RNF180: variants seen among roughly 807,000 people sequenced by gnomAD.
RNF180 encodes E3 ubiquitin-protein ligase RNF180.
Under a neutral mutation model 59.2 loss-of-function variants are expected in RNF180, and 38 were observed. That is an observed-to-expected ratio of 0.64 (90% CI 0.50 to 0.84). The LOEUF (loss-of-function observed/expected upper bound fraction) is 0.84. RNF180 is among the 40% of genes least tolerant of loss of function. The probability of loss-of-function intolerance (pLI) is 0.00; values close to 1 mark genes in which losing one functional copy is unlikely to be tolerated. For synonymous variants in RNF180, 262 were observed against 240.3 expected (o/e 1.09, Z -0.84); for missense variants, 705 against 700.9 (o/e 1.01, Z -0.07).
chr5:64,321,802 AG>A (rs1744366454), intron 5 of RNF180, among the ~76,000 whole-genome samples: 1 of 152,160 alleles, frequency 6.6e-6, no homozygotes, highest in Admixed American at 6.5e-5. Context: ...GCATGATACT[AG>A]TACCCAAACA....
At chr5:64,230,721 A>G (rs1363377201) in intron 5 of RNF180, among the ~76,000 whole-genome samples, 1 of 152,204 alleles carries the variant, frequency 6.6e-6, no homozygotes, top group African/African-American at 2.4e-5. Context: ...TCTGCTTACC[A>G]CAGATAGTTT....
chr5:64,211,533 A>T (rs1038123198), intron 2 of RNF180, among the ~76,000 whole-genome samples: 1 of 152,152 alleles, frequency 6.6e-6, no homozygotes, highest in African/African-American at 2.4e-5. Flanking sequence ...GGCAGGGGGA[A>T]GGTTAGTGAG....
At chr5:64,211,270 AG>A (rs1752297213) in intron 2 of RNF180, among the ~76,000 whole-genome samples, 1 of 152,162 alleles carries the variant, frequency 6.6e-6, no homozygotes, top group South Asian at 2.1e-4. Context: ...ACTATAATCT[AG>A]GATCTATGGG....
chr5:64,183,862 A>G (rs1750742913), intron 1 of RNF180, among the ~76,000 whole-genome samples: 1 of 152,220 alleles, frequency 6.6e-6, no homozygotes, highest in Admixed American at 6.5e-5. Flanking sequence ...ATTTTCTAAA[A>G]CATCAGTCTC....
chr5:64,251,898 G>A (rs1580114571), intron 5 of RNF180, among the ~76,000 whole-genome samples: 1 of 151,994 alleles, frequency 6.6e-6, no homozygotes, highest in African/African-American at 2.4e-5. Flanking sequence ...TGAAAGATCT[G>A]CACACTGAAA....
intron 5 of RNF180, among the ~76,000 whole-genome samples, chr5:64,230,079 C>T (rs149979368): frequency 6.6e-6 from 1 of 152,260 alleles, no homozygotes; most frequent in Non-Finnish European, 1.5e-5. Context: ...CTAGCCACAA[C>T]AATGGGTAGT....
At chr5:64,365,253 T>A (rs1746402594) in intron 7 of RNF180, among the ~76,000 whole-genome samples, 1 of 151,802 alleles carries the variant, frequency 6.6e-6, no homozygotes, top group Non-Finnish European at 1.5e-5. Context: ...TTGCCTTAAT[T>A]TCATTATTTG....
intron 5 of RNF180, among the ~76,000 whole-genome samples, chr5:64,300,589 A>C (rs183755793): frequency 6.6e-6 from 1 of 151,914 alleles, no homozygotes; most frequent in Non-Finnish European, 1.5e-5. Context: ...GGGATCTTGA[A>C]TGTATTCCCC....
intron 7 of RNF180, among the ~76,000 whole-genome samples, chr5:64,342,526 AAGAC>A (rs1404784554): frequency 2.0e-5 from 3 of 152,178 alleles, no homozygotes; most frequent in African/African-American, 7.2e-5. Context: ...TTGGCTAAAA[AAGAC>A]AGAATGAAAT....
chr5:64,358,241 G>A (rs1252941786), intron 7 of RNF180, among the ~76,000 whole-genome samples: 2 of 151,828 alleles, frequency 1.3e-5, no homozygotes, highest in African/African-American at 4.8e-5. Flanking sequence ...CAGAGGAAAA[G>A]AGACTGCTGC....
chr5:64,305,185 T>C lies in RNF180; in HGVS notation c.1228-20001T>C, dbSNP rs180807827. ...TGTCTTGCTTTATTGCAATATTCACTTTAATGAAATGGTTTATTACTAAAC... is the reference window on the plus strand; with the variant it reads ...TGTCTTGCTTTATTGCAATATTCACCTTAATGAAATGGTTTATTACTAAAC... On this transcript the variant is annotated intron_variant, in intron 5 of 7. Coordinates refer to ENST00000389100, the MANE Select transcript of RNF180 (RefSeq NM_001113561.2). 2.0e-5 allele frequency among the ~76,000 whole-genome samples: 3 copies of C among 151,770 alleles called. No homozygotes were observed. The East Asian group carries it at 5.8e-4, about 29-fold the overall frequency.
At chr5:64,236,891 G>T (rs1742475535) in intron 5 of RNF180, among the ~76,000 whole-genome samples, 2 of 152,174 alleles carry the variant, frequency 1.3e-5, no homozygotes, top group South Asian at 4.1e-4. Flanking sequence ...GTGCAGAAAA[G>T]AATTGAGCTT....
At chr5:64,264,455 C>A (rs1167615015) in intron 5 of RNF180, among the ~76,000 whole-genome samples, 1 of 152,120 alleles carries the variant, frequency 6.6e-6, no homozygotes, top group East Asian at 1.9e-4. Context: ...TGTTCAGTTC[C>A]CACTTATGAG....
chr5:64,303,607 A>C (rs1743276379), intron 5 of RNF180, among the ~76,000 whole-genome samples: 1 of 151,722 alleles, frequency 6.6e-6, no homozygotes, highest in Admixed American at 6.6e-5. Flanking sequence ...ATCCAGAGCA[A>C]GTTCCTATCA....
intron 5 of RNF180, among the ~76,000 whole-genome samples, chr5:64,285,719 C>T (rs1742249482): frequency 6.8e-6 from 1 of 147,792 alleles, no homozygotes; most frequent in African/African-American, 2.4e-5. Flanking sequence ...ATTGGACTAT[C>T]TCTGTCCTAC....
At chr5:64,342,627 T>C (rs1186437798) in intron 7 of RNF180, among the ~76,000 whole-genome samples, 1 of 152,110 alleles carries the variant, frequency 6.6e-6, no homozygotes, top group East Asian at 1.9e-4. Flanking sequence ...CCTTAAGATA[T>C]ATCTCATATT....
intron 5 of RNF180, among the ~76,000 whole-genome samples, chr5:64,297,592 T>C (rs927641056): frequency 6.6e-6 from 1 of 152,104 alleles, no homozygotes; most frequent in African/African-American, 2.4e-5. Flanking sequence ...AACTATAGTC[T>C]CAAGTGTGTT....
intron 5 of RNF180, among the ~76,000 whole-genome samples, chr5:64,220,536 A>G (rs1321132812): frequency 6.6e-6 from 1 of 152,110 alleles, no homozygotes; most frequent in African/African-American, 2.4e-5. Flanking sequence ...GTATATCAGC[A>G]TTTTGAGGAA....
chr5:64,369,983 C>G lies in RNF180; in HGVS notation c.*169C>G. The G allele has an allele frequency of 2.1e-6, 1 of 470,670 alleles. No individual in the cohort carries two copies. Among genetic ancestry groups the G allele is most frequent in the South Asian group, 4.0e-5 (1 of 25,152 alleles). 29.2% of individuals were successfully genotyped at this position (470,670 alleles called of 1,614,324 possible). ...TTATTTATTAATGTTTTTCATGTAA[C>G]AAACTAAACTTTATTCAAGAGCTAA... On this transcript the variant is annotated 3_prime_UTR_variant, in exon 8 of 8. Transcript: ENST00000389100.
Sources: gnomAD v4.1 joint callset for allele counts (sites outside exome capture counted in the v4.1 genomes callset) on GRCh38, gnomAD v4.1.1 for gene constraint, MANE v1.5 for transcripts, NCBI Gene and HGNC (gene_info 2026-07-23, HGNC 2026-07-21) for gene names.